MACC1: variants seen among roughly 807,000 people sequenced by gnomAD.
MACC1 encodes metastasis-associated in colon cancer protein 1.
MACC1 carries 79 observed loss-of-function variants against 70.7 expected under a neutral mutation model. The ratio of observed to expected loss-of-function variants is 1.12; its 90% CI spans 0.93 to 1.35. The LOEUF (loss-of-function observed/expected upper bound fraction) is 1.35. Among genes scored for constraint, MACC1 ranks in the 40% most tolerant of loss-of-function variants. The probability of loss-of-function intolerance (pLI) is 0.00; values close to 1 mark genes in which losing one functional copy is unlikely to be tolerated. For missense variants in MACC1, 1,106 were observed against 978.1 expected (o/e 1.13, Z -1.74); for synonymous variants, 361 against 347.2 (o/e 1.04, Z -0.44).
At chr7:20,206,135 CT>C (rs1782908178) in intron 1 of MACC1, among the ~76,000 whole-genome samples, 1 of 151,586 alleles carries the variant, frequency 6.6e-6, no homozygotes, top group African/African-American at 2.4e-5. Context: ...ACCATGGTGC[CT>C]GCCTTGGGTT....
At chr7:20,177,638 C>T (rs1220947721) in intron 1 of MACC1, among the ~76,000 whole-genome samples, 1 of 119,374 alleles carries the variant, frequency 8.4e-6, no homozygotes, top group African/African-American at 3.8e-5. Flanking sequence ...TGTGCTTTAC[C>T]ATTTTAACGC....
chr7:20,209,999 T>C (rs1219010296), intron 1 of MACC1, among the ~76,000 whole-genome samples: 1 of 152,198 alleles, frequency 6.6e-6, no homozygotes, highest in African/African-American at 2.4e-5. Flanking sequence ...GCCATAATTG[T>C]AAGTTTCCTC....
chr7:20,158,576 T>C lies in MACC1; in HGVS notation c.1785A>G (p.Lys595=). ...CTCTGAGGACTCCTACATACCATTC[T>C]TTCACTTTGGACTGACCAATAGCTT... ...KVKAIGQSKV[K]EWYVGVLRGK... Residue 595 remains lysine, a synonymous_variant, in exon 5 of 7, where the codon AAA becomes AAG. Transcript: ENST00000400331. 2 of 1,614,034 alleles carry C rather than the reference T, an allele frequency of 1.2e-6. No homozygotes were observed. Among genetic ancestry groups the C allele is most frequent in the Non-Finnish European group, 1.7e-6 (2 of 1,179,950 alleles).
In MACC1 at chr7:20,138,152, C is replaced by CAAAAAAAAAAAAAAAAAAA. The variant is rs535703374; in HGVS notation, c.*2775_*2793dup. ...TGGGCAACAGAGCCAGACTCTGGCTCAAAAAAAAAAAAAAAAAAAAAAAAA... is the reference window on the plus strand; with the variant it reads ...TGGGCAACAGAGCCAGACTCTGGCTCAAAAAAAAAAAAAAAAAAAAAAAAAAAAAAAAAAAAAAAAAAAA... On this transcript the variant is annotated 3_prime_UTR_variant, in exon 7 of 7. Coordinates refer to ENST00000400331, the MANE Select transcript of MACC1 (RefSeq NM_182762.4). 32 of 67,880 alleles carry CAAAAAAAAAAAAAAAAAAA rather than the reference C, an allele frequency of 4.7e-4. No individual in the cohort carries two copies. The highest frequency in any genetic ancestry group is 1.4e-3 in the African/African-American group (32 of 22,198). 4.2% of individuals were successfully genotyped at this position (67,880 alleles called of 1,614,324 possible).
intron 6 of MACC1, among the ~76,000 whole-genome samples, chr7:20,148,921 A>AT: frequency 6.6e-6 from 1 of 152,328 alleles, no homozygotes; most frequent in East Asian, 1.9e-4. Context: ...AATTATAAAT[A>AT]TATTTCTCAT....
intron 6 of MACC1, among the ~76,000 whole-genome samples, chr7:20,143,843 G>A (rs1431847882): frequency 2.6e-5 from 4 of 152,132 alleles, no homozygotes; most frequent in Admixed American, 6.5e-5. Flanking sequence ...GAAATGCAAG[G>A]GGGAATATTG....
intron 1 of MACC1, among the ~76,000 whole-genome samples, chr7:20,216,523 C>A (rs1037534196): frequency 4.6e-5 from 7 of 152,070 alleles, no homozygotes; most frequent in African/African-American, 1.7e-4. Flanking sequence ...CCCCCAAGCC[C>A]CTGGCAACTA....
At chr7:20,211,414 T>C (rs1325435566) in intron 1 of MACC1, among the ~76,000 whole-genome samples, 2 of 152,180 alleles carry the variant, frequency 1.3e-5, no homozygotes, top group Admixed American at 6.5e-5. Flanking sequence ...AAAAGTCATA[T>C]GAATAATACT....
At chr7:20,163,988 G>A (rs572642987) in intron 3 of MACC1, among the ~76,000 whole-genome samples, 1 of 152,296 alleles carries the variant, frequency 6.6e-6, no homozygotes, top group South Asian at 2.1e-4. Flanking sequence ...CCAGGCTGGA[G>A]TACAGTGGTG....
chr7:20,194,123 T>G (rs1782714322), intron 1 of MACC1, among the ~76,000 whole-genome samples: 1 of 152,150 alleles, frequency 6.6e-6, no homozygotes, highest in South Asian at 2.1e-4. Flanking sequence ...TCCTATCTTG[T>G]CACCGTTATC....
Position 20,160,194 on chromosome 7 carries a change from C to T in MACC1, c.167G>A (p.Arg56His), listed in dbSNP as rs202049959. The T allele has an allele frequency of 3.7e-5, 60 of 1,602,918 alleles. No homozygotes were observed. The highest frequency in any genetic ancestry group is 1.1e-4 in the African/African-American group (8 of 74,292). ...TGCAACTTTGGAAGCATTATTACCA[C>T]GAAGGGTGAAAGCATCCGGCCAATT... ...LHNWPDAFTLRGNNASKVANP... is the reference protein window; with the variant it reads ...LHNWPDAFTLHGNNASKVANP... The change falls in exon 5 of 7, where the codon CGT becomes CAT. Residue 56 changes from arginine (R) to histidine (H), a missense_variant. Physicochemically the swap from Arg to His is conservative, Grantham distance 29. Coordinates refer to ENST00000400331, the MANE Select transcript of MACC1 (RefSeq NM_182762.4).
At chr7:20,177,451 A>G (rs1782411235) in intron 1 of MACC1, among the ~76,000 whole-genome samples, 2 of 152,094 alleles carry the variant, frequency 1.3e-5, no homozygotes, top group South Asian at 2.1e-4. Context: ...TGTGCTTCCT[A>G]TATTAAACAG....
At chr7:20,216,123 T>C (rs1228067915) in intron 1 of MACC1, among the ~76,000 whole-genome samples, 1 of 152,138 alleles carries the variant, frequency 6.6e-6, no homozygotes, top group Non-Finnish European at 1.5e-5. Context: ...ACTTTAAGAA[T>C]ATACCTGAAA....
intron 1 of MACC1, among the ~76,000 whole-genome samples, chr7:20,193,505 T>A (rs1001428973): frequency 2.0e-5 from 3 of 152,236 alleles, no homozygotes; most frequent in Non-Finnish European, 2.9e-5. Flanking sequence ...GCTCTTAGTG[T>A]TTGTTTTTCA....
intron 1 of MACC1, among the ~76,000 whole-genome samples, chr7:20,204,426 T>C (rs1583411866): frequency 6.6e-6 from 1 of 152,212 alleles, no homozygotes; most frequent in Non-Finnish European, 1.5e-5. Flanking sequence ...ACTGCTGGAT[T>C]ATACGCATGA....
chr7:20,180,863 A>T (rs1180478872), intron 1 of MACC1, among the ~76,000 whole-genome samples: 2 of 152,134 alleles, frequency 1.3e-5, no homozygotes, highest in African/African-American at 4.8e-5. Flanking sequence ...CAATAATAAT[A>T]ATAATAATTC....
In MACC1 at chr7:20,135,126, A is replaced by C. The variant is rs1781702844; in HGVS notation, c.*5820T>G. ...CAACAAATAACACACTAGGGAAAACAAGGCTTTTTCCGAAGATATTTTACA... is the reference window on the plus strand; with the variant it reads ...CAACAAATAACACACTAGGGAAAACCAGGCTTTTTCCGAAGATATTTTACA... On this transcript the variant is annotated 3_prime_UTR_variant, in exon 7 of 7. Coordinates refer to ENST00000400331, the MANE Select transcript of MACC1 (RefSeq NM_182762.4). 2 of 152,220 alleles carry C rather than the reference A, an allele frequency of 1.3e-5. No individual in the cohort carries two copies. The highest frequency in any genetic ancestry group is 4.8e-5 in the African/African-American group (2 of 41,458). 9.4% of individuals were successfully genotyped at this position (152,220 alleles called of 1,614,324 possible).
intron 2 of MACC1, among the ~76,000 whole-genome samples, chr7:20,169,476 G>GT (rs1415637637): frequency 5.3e-5 from 8 of 152,194 alleles, no homozygotes; most frequent in African/African-American, 1.9e-4. Context: ...TAATAAAGCT[G>GT]TAACTGTAGG....
At chr7:20,203,223 T>G (rs1345728560) in intron 1 of MACC1, among the ~76,000 whole-genome samples, 1 of 152,114 alleles carries the variant, frequency 6.6e-6, no homozygotes, top group Non-Finnish European at 1.5e-5. Context: ...GCAAGACTGA[T>G]CCTCCCCTCC....
Sources: allele counts gnomAD v4.1 joint callset (sites outside exome capture counted in the v4.1 genomes callset), GRCh38; gene constraint gnomAD v4.1.1; transcripts MANE v1.5; gene names NCBI Gene and HGNC (gene_info 2026-07-23, HGNC 2026-07-21).